EPS8: variants seen among roughly 807,000 people sequenced by gnomAD.
EPS8 encodes the protein EGFR pathway substrate 8, signaling adaptor.
In EPS8, 42 loss-of-function variants were observed where a neutral mutation model predicts 103.8. The observed-to-expected ratio is 0.40, with a 90% CI of 0.32 to 0.52. The LOEUF is 0.52. Ranked by LOEUF, EPS8 falls within the 20% of genes least tolerant of loss-of-function variation. EPS8 has a pLI of 0.40. For synonymous variants in EPS8, 344 were observed against 344.6 expected, an observed-to-expected ratio of 1.00 and a Z score of 0.02; for missense variants, 969 against 1,005.1, an observed-to-expected ratio of 0.96 and a Z score of 0.49.
Position 15,721,836 on chromosome 12 carries a change from A to T in EPS8, c.-21-38864T>A, listed in dbSNP as rs544745926. Reference sequence around the variant, plus strand: ...TATATTATAAATATTATTTCTGATCATAAAAGTAAATCCATGGCAGAAAGT... The same window carrying T: ...TATATTATAAATATTATTTCTGATCTTAAAAGTAAATCCATGGCAGAAAGT... On this transcript the variant is annotated intron_variant, in intron 1 of 20. Transcript: ENST00000281172. This position sits in a 1 kb window ranked among gnomAD's most constrained non-coding sequence, Gnocchi z 4.4. Among the ~76,000 whole-genome samples the T allele has an allele frequency of 2.7e-4, 41 of 151,904 alleles. 2 individuals carry two copies. The South Asian group carries it at 8.5e-3, about 31-fold the overall frequency.
At chr12:15,730,100 A>G (rs567637678) in intron 1 of EPS8, among the ~76,000 whole-genome samples, 2 of 152,188 alleles carry the variant, frequency 1.3e-5, no homozygotes, top group African/African-American at 4.8e-5. Context: ...CCATTATATC[A>G]ACTCCCATCT....
chr12:15,623,407 C>A, intron 19 of EPS8, 120 bp from the exon 20 acceptor site: 1 of 821,866 alleles, frequency 1.2e-6, no homozygotes, highest in Non-Finnish European at 1.8e-6. Context: ...CCCTGGAACC[C>A]TTATTAAATG....
rs1946234128 is a variant in EPS8 at position 15,695,717 on chromosome 12, A to G, written c.-21-12745T>C. Among the ~76,000 whole-genome samples the G allele has an allele frequency of 3.3e-5, 5 of 152,070 alleles. No individual in the cohort carries two copies. Among genetic ancestry groups the G allele is most frequent in the Admixed American group, 3.3e-4 (5 of 15,252 alleles). On this transcript the variant is annotated intron_variant, in intron 1 of 20. Coordinates refer to ENST00000281172, the MANE Select transcript of EPS8 (RefSeq NM_004447.6). This position sits in a 1 kb window ranked among gnomAD's most constrained non-coding sequence, Gnocchi z 5.0. ...AGGCAGGGCATGGTGGCCCACACCT[A>G]TAATCCCAGCACTTTGGGAGGCCGA... is the stretch of plus-strand genomic sequence containing the variant.
At chr12:15,660,238 T>C (rs6488790) in intron 10 of EPS8, among the ~76,000 whole-genome samples, 150,976 of 152,124 alleles carry the variant, frequency 0.99, 74,931 homozygotes, top group East Asian at 1. Flanking sequence ...TTTTGCTAAG[T>C]AGTTCTTGAG....
At chr12:15,626,059 T>TA (rs1478824206) in intron 18 of EPS8, among the ~76,000 whole-genome samples, 2 of 152,352 alleles carry the variant, frequency 1.3e-5, no homozygotes, top group East Asian at 3.9e-4. Context: ...ACTTGCTTTT[T>TA]AGACTTCTCA....
At position 15,748,875 on chromosome 12, in the gene EPS8, C is replaced by T. The variant is rs149541196; in HGVS notation, c.-22+40286G>A. ...GTTTCCTAATTTTCATAATGGAATG[C>T]TAACTTTGACACTTGCTAATCCAGA... On this transcript the variant is annotated intron_variant, in intron 1 of 20. Transcript: ENST00000281172. The surrounding 1 kb of genome is among the most constrained non-coding windows in gnomAD (Gnocchi z 4.8). 3.2e-4 allele frequency among the ~76,000 whole-genome samples: 49 copies of T among 152,254 alleles called. No individual in the cohort carries two copies. In the East Asian group the frequency reaches 8.9e-3, roughly 28 times the overall value.
At chr12:15,670,977 T>C in intron 3 of EPS8, 54 bp from the exon 4 acceptor site, 1 of 1,294,626 alleles carries the variant, frequency 7.7e-7, no homozygotes, top group South Asian at 1.2e-5. Flanking sequence ...CTGAAGTTCA[T>C]ATGTTGGTAT....
rs1481356007 is a variant in EPS8 at position 15,624,178 on chromosome 12, A to G, written c.2225+49T>C. 3 of 1,456,594 alleles carry G rather than the reference A, an allele frequency of 2.1e-6. No homozygotes were observed. In the African/African-American group the frequency reaches 4.2e-5, roughly 20 times the overall value. The allele number at this position is 1,456,594 out of a possible 1,614,324, so 90.2% of individuals were successfully genotyped here. A position where few individuals can be genotyped will look rare whatever the true frequency, so the allele number is the denominator to read the frequency against. On this transcript the variant is annotated intron_variant, in intron 19 of 20. Transcript: ENST00000281172. ...ACATCTAACTAAGCAAATTGAAAACAATGCATGTTGTACACACAGAATTGC... is the reference window on the plus strand; with the variant it reads ...ACATCTAACTAAGCAAATTGAAAACGATGCATGTTGTACACACAGAATTGC...
At position 15,769,719 on chromosome 12, in the gene EPS8, T is replaced by G. The variant is rs962689745; in HGVS notation, c.-22+19442A>C. ...GAACATCTCTATATAGTAACTCTAT[T>G]TTCAGTCTTTTGTCTAACACTAGCA... On this transcript the variant is annotated intron_variant, in intron 1 of 20. Transcript: ENST00000281172. This position sits in a 1 kb window ranked among gnomAD's most constrained non-coding sequence, Gnocchi z 4.6. Among the ~76,000 whole-genome samples, 2 of 152,166 alleles carry G rather than the reference T, an allele frequency of 1.3e-5. No homozygotes were observed. Among genetic ancestry groups the G allele is most frequent in the Non-Finnish European group, 2.9e-5 (2 of 68,026 alleles).
chr12:15,724,748 T>C (rs1279741639), intron 1 of EPS8, among the ~76,000 whole-genome samples: 1 of 152,172 alleles, frequency 6.6e-6, no homozygotes, highest in African/African-American at 2.4e-5. Flanking sequence ...GTTTTTCCTT[T>C]CACTTGGCTC....
At chr12:15,712,829 AT>A in intron 1 of EPS8, 1 of 981,026 alleles carries the variant, frequency 1.0e-6, no homozygotes, top group Non-Finnish European at 1.2e-6. Flanking sequence ...CAAAGAAAAT[AT>A]TAACAAATTC....
chr12:15,629,133 A>G (rs1944999534), intron 18 of EPS8, among the ~76,000 whole-genome samples: 1 of 152,218 alleles, frequency 6.6e-6, no homozygotes, highest in African/African-American at 2.4e-5. Context: ...TTATACACCA[A>G]TGCCACCCTT....
At position 15,658,387 on chromosome 12, in the gene EPS8, C is replaced by T. The variant is rs1454323902; in HGVS notation, c.1026+110G>A. The T allele has an allele frequency of 1.0e-5, 9 of 880,788 alleles. No individual in the cohort carries two copies. In the African/African-American group the frequency reaches 1.4e-4, roughly 13 times the overall value. 54.6% of individuals were successfully genotyped at this position (880,788 alleles called of 1,614,324 possible). ...GCAAATCAAAACATACACACCCCCA[C>T]AAAATCTATAAAAACAATTTTATTT... On this transcript the variant is annotated intron_variant, in intron 11 of 20. Coordinates refer to ENST00000281172, the MANE Select transcript of EPS8 (RefSeq NM_004447.6).
At chr12:15,743,707 A>AT (rs1486646642) in intron 1 of EPS8, among the ~76,000 whole-genome samples, 1 of 152,246 alleles carries the variant, frequency 6.6e-6, no homozygotes, top group Non-Finnish European at 1.5e-5. Context: ...CTGGCTAGCC[A>AT]TATGTAGAAA....
Position 15,700,797 on chromosome 12 carries a change from A to G in EPS8, c.-21-17825T>C, listed in dbSNP as rs925609512. Among the ~76,000 whole-genome samples, 10 of 152,194 alleles carry G rather than the reference A, an allele frequency of 6.6e-5. No homozygotes were observed. Among genetic ancestry groups the G allele is most frequent in the South Asian group, 2.1e-4 (1 of 4,830 alleles). On this transcript the variant is annotated intron_variant, in intron 1 of 20. Coordinates refer to ENST00000281172, the MANE Select transcript of EPS8 (RefSeq NM_004447.6). The surrounding 1 kb of genome is among the most constrained non-coding windows in gnomAD (Gnocchi z 5.1). The stretch of plus-strand genomic sequence containing the variant: ...CCAAGACCACTTCCTGAAACACCCA[A>G]TGTTTTTCTTGGAAGGAAGTCCATA...
intron 1 of EPS8, among the ~76,000 whole-genome samples, chr12:15,755,472 G>A (rs193159364): frequency 9.9e-4 from 150 of 152,164 alleles, no homozygotes; most frequent in African/African-American, 3.4e-3. Context: ...CTCTGAGCCT[G>A]TTTCTTTCAT....
intron 1 of EPS8, among the ~76,000 whole-genome samples, chr12:15,711,917 T>C (rs910669069): frequency 6.6e-6 from 1 of 152,160 alleles, no homozygotes; most frequent in African/African-American, 2.4e-5. Context: ...AACAGTAACT[T>C]AATCAGTTAT....
rs1237873979 is a variant in EPS8, at chr12:15,731,871, A to C, written c.-21-48899T>G. On this transcript the variant is annotated intron_variant, in intron 1 of 20. Transcript: ENST00000281172. This position sits in a 1 kb window ranked among gnomAD's most constrained non-coding sequence, Gnocchi z 5.1. ...AGTGTGTGTGTGCATGTGTGTGTGTAGGCAAAAGGAAGCTGGGTGGTTAAT... is the reference window on the plus strand; with the variant it reads ...AGTGTGTGTGTGCATGTGTGTGTGTCGGCAAAAGGAAGCTGGGTGGTTAAT... Among the ~76,000 whole-genome samples, 1 of 152,082 alleles carries C rather than the reference A, an allele frequency of 6.6e-6. No homozygotes were observed. Among genetic ancestry groups the C allele is most frequent in the Non-Finnish European group, 1.5e-5 (1 of 67,998 alleles).
chr12:15,743,001 A>T (rs555040903), intron 1 of EPS8, among the ~76,000 whole-genome samples: 2 of 152,230 alleles, frequency 1.3e-5, no homozygotes, highest in Non-Finnish European at 2.9e-5. Context: ...ATGATTGTCT[A>T]TCTAGAAAAC....
Sources: allele counts gnomAD v4.1 joint callset (sites outside exome capture counted in the v4.1 genomes callset), GRCh38; gene constraint gnomAD v4.1.1; non-coding constraint Gnocchi (gnomAD v3.1); transcripts MANE v1.5; gene names NCBI Gene and HGNC (gene_info 2026-07-23, HGNC 2026-07-21).